AGK: variants seen among roughly 807,000 people sequenced by gnomAD.
The protein encoded by AGK is acylglycerol kinase, mitochondrial.
In AGK, 52 loss-of-function variants were observed where a neutral mutation model predicts 66.4. The ratio of observed to expected loss-of-function variants is 0.78; its 90% CI spans 0.63 to 0.99. AGK has a LOEUF of 0.99. AGK is among the 50% of genes least tolerant of loss of function. The pLI is 0.00. For missense variants in AGK, 451 were observed against 506.6 expected (o/e 0.89, Z 1.05); for synonymous variants, 182 against 181.1 (o/e 1.00, Z -0.04).
chr7:141,648,679 T>C (rs1562986783), intron 13 of AGK, among the ~76,000 whole-genome samples: 1 of 152,266 alleles, frequency 6.6e-6, no homozygotes, highest in Non-Finnish European at 1.5e-5. Flanking sequence ...CAAGTCTGTT[T>C]TGATAGCCAT....
At chr7:141,647,983 T>C (rs1797458660) in intron 13 of AGK, among the ~76,000 whole-genome samples, 1 of 152,308 alleles carries the variant, frequency 6.6e-6, no homozygotes, top group East Asian at 1.9e-4. Context: ...AAATTATTTA[T>C]TTTTTAGTTG....
intron 2 of AGK, among the ~76,000 whole-genome samples, chr7:141,577,736 G>T (rs543804790): frequency 1.3e-5 from 2 of 152,016 alleles, no homozygotes; most frequent in Non-Finnish European, 2.9e-5. Context: ...GCCGGTTGGG[G>T]TTTCTCGGGG....
At chr7:141,589,027 G>A (rs1173303932) in intron 2 of AGK, among the ~76,000 whole-genome samples, 2 of 152,014 alleles carry the variant, frequency 1.3e-5, no homozygotes, top group South Asian at 2.1e-4. Context: ...ATCATATGCC[G>A]CCCTCCTATC....
At chr7:141,640,299 A>G (rs1053914786) in intron 11 of AGK, among the ~76,000 whole-genome samples, 1 of 152,094 alleles carries the variant, frequency 6.6e-6, no homozygotes, top group Non-Finnish European at 1.5e-5. Flanking sequence ...TTTTCACCAC[A>G]TGAAAATTAG....
intron 9 of AGK, among the ~76,000 whole-genome samples, chr7:141,623,319 C>T (rs554877295): frequency 1.4e-4 from 20 of 145,486 alleles, no homozygotes; most frequent in Admixed American, 9.4e-4. Context: ...GCAGAGGTTG[C>T]GGTGAGCCGA....
chr7:141,553,031 G>T (rs955568363), intron 1 of AGK, among the ~76,000 whole-genome samples: 4 of 152,206 alleles, frequency 2.6e-5, no homozygotes, highest in Middle Eastern at 3.4e-3. Flanking sequence ...GCAAAAACTG[G>T]GTGGCTTAAA....
In AGK at chr7:141,633,913, C is replaced by T. The variant is rs1797113391; in HGVS notation, c.601C>T (p.Gln201Ter). Residue 201 changes from glutamine (Q) to a stop codon, truncating the protein, a stop_gained, in exon 10 of 16, where the codon CAG becomes TAG. Coordinates refer to ENST00000649286, the MANE Select transcript of AGK (RefSeq NM_018238.4). LOFTEE classifies it high-confidence loss of function. ...DVLQIKGEKE[Q>*]PVFAMTGLRW... is the part of the protein sequence containing the mutation. ...ATTTAACTTCCAGGGTGAAAAGGAA[C>T]AGCCTGTATTTGCAATGACCGGCCT... 6.2e-7 allele frequency: 1 copy of T among 1,613,812 alleles called. No homozygotes were observed. The highest frequency in any genetic ancestry group is 8.5e-7 in the Non-Finnish European group (1 of 1,179,756).
chr7:141,626,881 T>C (rs950766805), intron 9 of AGK, among the ~76,000 whole-genome samples: 2 of 152,210 alleles, frequency 1.3e-5, no homozygotes, highest in African/African-American at 4.8e-5. Flanking sequence ...TATGTATTGA[T>C]GTTAGATGTC....
chr7:141,571,004 A>G (rs1045120179), intron 2 of AGK, among the ~76,000 whole-genome samples: 1 of 152,224 alleles, frequency 6.6e-6, no homozygotes, highest in African/African-American at 2.4e-5. Flanking sequence ...TAGCTTCTGC[A>G]TAGCTGTGCA....
chr7:141,647,298 T>C (rs71545334), intron 13 of AGK, among the ~76,000 whole-genome samples: 5,379 of 152,230 alleles, frequency 0.035, 149 homozygotes, highest in South Asian at 0.14. Context: ...CTCCAGTGGC[T>C]CTCTGATTCA....
intron 14 of AGK, among the ~76,000 whole-genome samples, chr7:141,649,551 CTT>C (rs2117029394): frequency 6.6e-6 from 1 of 152,300 alleles, no homozygotes; most frequent in Non-Finnish European, 1.5e-5. Context: ...TAAGAGCAGT[CTT>C]TGTTTTTCAA....
At chr7:141,645,437 T>A (rs1057437417) in intron 13 of AGK, among the ~76,000 whole-genome samples, 1 of 152,196 alleles carries the variant, frequency 6.6e-6, no homozygotes, top group African/African-American at 2.4e-5. Context: ...TTTCAATGAA[T>A]TCTTTCAAAT....
At chr7:141,637,047 CTG>C (rs575240804) in intron 11 of AGK, 30 bp downstream of exon 11, 26 of 1,590,910 alleles carry the variant, frequency 1.6e-5, no homozygotes, top group Non-Finnish European at 1.9e-5. Context: ...TAGAAATTTG[CTG>C]TGTTATTTTG....
chr7:141,602,954 T>G (rs1796376482), intron 5 of AGK, among the ~76,000 whole-genome samples: 1 of 152,112 alleles, frequency 6.6e-6, no homozygotes, highest in Non-Finnish European at 1.5e-5. Flanking sequence ...CTGATTGTCT[T>G]TGTTAATGAT....
chr7:141,553,292 G>C (rs1009710278), intron 1 of AGK, among the ~76,000 whole-genome samples: 1 of 152,172 alleles, frequency 6.6e-6, no homozygotes, highest in African/African-American at 2.4e-5. Context: ...TCTCAATGGG[G>C]ATAGGGCTTC....
At chr7:141,639,088 G>T (rs753578818) in intron 11 of AGK, among the ~76,000 whole-genome samples, 1 of 152,048 alleles carries the variant, frequency 6.6e-6, no homozygotes, top group African/African-American at 2.4e-5. Context: ...ATAGAAGAGA[G>T]AATTTCAAGA....
At chr7:141,566,412 A>G (rs1295552779) in intron 2 of AGK, among the ~76,000 whole-genome samples, 2 of 151,966 alleles carry the variant, frequency 1.3e-5, no homozygotes, top group South Asian at 4.1e-4. Flanking sequence ...GGAACAAACA[A>G]GAGAATGAAA....
At chr7:141,649,093 T>TG (rs1407765560) in intron 13 of AGK, 170 bp from the exon 14 acceptor site, 4 of 428,960 alleles carry the variant, frequency 9.3e-6, no homozygotes, top group African/African-American at 2.4e-5. Context: ...AAGCTCTTTG[T>TG]GAAAAAAAAA....
intron 2 of AGK, among the ~76,000 whole-genome samples, chr7:141,586,034 G>T: frequency 6.6e-6 from 1 of 151,892 alleles, no homozygotes; most frequent in Admixed American, 6.6e-5. Flanking sequence ...TTGGAAATGA[G>T]GTCTTCAGTT....
Sources: gnomAD v4.1 joint callset for allele counts (sites outside exome capture counted in the v4.1 genomes callset) on GRCh38, gnomAD v4.1.1 for gene constraint, MANE v1.5 for transcripts, NCBI Gene and HGNC (gene_info 2026-07-23, HGNC 2026-07-21) for gene names.